Variants in CAMK1D observed in about 807,000 individuals in gnomAD.
CAMK1D encodes the protein calcium/calmodulin-dependent protein kinase type 1D.
CAMK1D carries 9 observed loss-of-function variants against 47.7 expected under a neutral mutation model. That is an observed-to-expected ratio of 0.19 (90% CI 0.11 to 0.33). The LOEUF is 0.33. Among genes scored for constraint, CAMK1D ranks in the 10% least tolerant of loss-of-function variants. The probability of loss-of-function intolerance (pLI) is 1.00; values close to 1 mark genes in which losing one functional copy is unlikely to be tolerated. For missense variants in CAMK1D, 291 were observed against 488.7 expected (o/e 0.60, Z 3.81); for synonymous variants, 184 against 184.9 (o/e 0.99, Z 0.04).
intron 6 of CAMK1D, among the ~76,000 whole-genome samples, chr10:12,796,229 C>G (rs1359781085): frequency 3.3e-5 from 5 of 152,146 alleles, no homozygotes; most frequent in African/African-American, 1.2e-4. Flanking sequence ...CAAATTGGAA[C>G]AGGCACGTCA....
chr10:12,788,547 A>T (rs1011559757), intron 5 of CAMK1D, among the ~76,000 whole-genome samples: 1 of 152,184 alleles, frequency 6.6e-6, no homozygotes, highest in African/African-American at 2.4e-5. Context: ...CCTCAGGGAC[A>T]CTTTCCATCA....
intron 1 of CAMK1D, among the ~76,000 whole-genome samples, chr10:12,376,399 C>T (rs1198955623): frequency 6.6e-6 from 1 of 152,040 alleles, no homozygotes; most frequent in Non-Finnish European, 1.5e-5. Context: ...AAGAAGCTTC[C>T]GGAAGGCTGT....
chr10:12,451,771 TTGTGTG>T (rs75335236), intron 1 of CAMK1D, among the ~76,000 whole-genome samples: 1 of 150,502 alleles, frequency 6.6e-6, no homozygotes, highest in South Asian at 2.1e-4. Flanking sequence ...GGTTATGTGT[TTGTGTG>T]TGTGTGTGTG....
At chr10:12,791,037 T>C (rs1469151611) in intron 5 of CAMK1D, 121 bp from the exon 6 acceptor site, 1 of 784,862 alleles carries the variant, frequency 1.3e-6, no homozygotes, top group Non-Finnish European at 2.1e-6. Context: ...AAATGGGTTA[T>C]GTCTCTCTAC....
At chr10:12,535,382 T>TA (rs1835937393) in intron 1 of CAMK1D, among the ~76,000 whole-genome samples, 1 of 152,204 alleles carries the variant, frequency 6.6e-6, no homozygotes, top group Non-Finnish European at 1.5e-5. Flanking sequence ...CACCAAAGTG[T>TA]ATGAGAACAG....
At chr10:12,739,586 G>C (rs2130841269) in intron 3 of CAMK1D, among the ~76,000 whole-genome samples, 1 of 152,128 alleles carries the variant, frequency 6.6e-6, no homozygotes, top group South Asian at 2.1e-4. Context: ...ACCGCACCCG[G>C]CTGAGATATA....
At chr10:12,783,141 C>T (rs961601310) in intron 5 of CAMK1D, among the ~76,000 whole-genome samples, 2 of 152,004 alleles carry the variant, frequency 1.3e-5, no homozygotes, top group Non-Finnish European at 2.9e-5. Context: ...TGCAGGCATG[C>T]ACCACCGCGC....
chr10:12,434,912 A>G (rs930320001), intron 1 of CAMK1D, among the ~76,000 whole-genome samples: 3 of 152,120 alleles, frequency 2.0e-5, no homozygotes, highest in Non-Finnish European at 2.9e-5. Flanking sequence ...AAAGCAGCCC[A>G]GGAGGAATCA....
intron 3 of CAMK1D, among the ~76,000 whole-genome samples, chr10:12,719,415 A>G (rs973623758): frequency 2.3e-5 from 3 of 131,882 alleles, no homozygotes; most frequent in African/African-American, 7.9e-5. Context: ...CTCAGGAAAA[A>G]AAAAAAGAAA....
At position 12,565,680 on chromosome 10, in the gene CAMK1D, G is replaced by A. The variant is rs187728555; in HGVS notation, c.224+12324G>A. Among the ~76,000 whole-genome samples, 388 of 152,194 alleles carry A rather than the reference G, an allele frequency of 2.5e-3. 1 individual carries two copies. Among genetic ancestry groups the A allele is most frequent in the African/African-American group, 9.0e-3 (372 of 41,516 alleles). On this transcript the variant is annotated intron_variant, in intron 2 of 10. Coordinates refer to ENST00000619168, the MANE Select transcript of CAMK1D (RefSeq NM_153498.4). ...TCTACAAGCATTGTTTCATTTAATC[G>A]TCACCATAAACCTGTAAAGTGGATA... is the stretch of plus-strand genomic sequence containing the variant.
intron 5 of CAMK1D, among the ~76,000 whole-genome samples, chr10:12,788,401 A>G (rs10795981): frequency 0.67 from 102,544 of 152,128 alleles, 35,103 homozygotes; most frequent in East Asian, 0.82. Flanking sequence ...GCGCCATCTC[A>G]CTGAAGAGCT....
intron 3 of CAMK1D, among the ~76,000 whole-genome samples, chr10:12,670,269 G>A (rs1840572302): frequency 6.6e-6 from 1 of 151,526 alleles, no homozygotes; most frequent in Non-Finnish European, 1.5e-5. Context: ...ATGTCTCGAT[G>A]ATGAATCATG....
intron 6 of CAMK1D, among the ~76,000 whole-genome samples, chr10:12,805,966 C>A (rs1004360385): frequency 6.6e-6 from 1 of 152,198 alleles, no homozygotes; most frequent in Admixed American, 6.5e-5. Flanking sequence ...ATGATGGTGC[C>A]TAGCAAACTT....
intron 5 of CAMK1D, among the ~76,000 whole-genome samples, chr10:12,790,353 C>G (rs2482043): frequency 0.52 from 79,055 of 152,108 alleles, 21,946 homozygotes; most frequent in African/African-American, 0.72. Flanking sequence ...TGCACTGTCA[C>G]CTCCAGGAGG....
At chr10:12,740,602 GA>G (rs201807783) in intron 3 of CAMK1D, among the ~76,000 whole-genome samples, 10 of 150,094 alleles carry the variant, frequency 6.7e-5, no homozygotes, top group Non-Finnish European at 1.0e-4. Context: ...CATCTCAAAA[GA>G]AAAAAAAAGA....
At chr10:12,673,951 A>T (rs562498740) in intron 3 of CAMK1D, among the ~76,000 whole-genome samples, 2 of 150,998 alleles carry the variant, frequency 1.3e-5, no homozygotes, top group East Asian at 1.9e-4. Flanking sequence ...TTTTTATTAA[A>T]TTTTTTTTTC....
chr10:12,398,541 G>T (rs905636581), intron 1 of CAMK1D, among the ~76,000 whole-genome samples: 2 of 152,060 alleles, frequency 1.3e-5, no homozygotes, highest in Admixed American at 1.3e-4. Flanking sequence ...AAGAGACGGG[G>T]TTTCACCATG....
At chr10:12,806,643 CCA>C (rs1838743825) in intron 6 of CAMK1D, among the ~76,000 whole-genome samples, 1 of 152,210 alleles carries the variant, frequency 6.6e-6, no homozygotes, top group African/African-American at 2.4e-5. Context: ...CTCCCGAGCT[CCA>C]CCCTTGATCC....
chr10:12,743,335 A>G (rs1174936185), intron 3 of CAMK1D, among the ~76,000 whole-genome samples: 2 of 147,524 alleles, frequency 1.4e-5, no homozygotes, highest in Non-Finnish European at 1.5e-5. Context: ...TGACAGGGTA[A>G]GACCCTGTCT....
Sources: allele counts gnomAD v4.1 joint callset (sites outside exome capture counted in the v4.1 genomes callset), GRCh38; gene constraint gnomAD v4.1.1; transcripts MANE v1.5; gene names NCBI Gene and HGNC (gene_info 2026-07-23, HGNC 2026-07-21).